The following LIPI variants were observed in gnomAD, a reference collection of about 807,000 sequenced individuals.
LIPI encodes lipase member I.
A neutral mutation model predicts 50.6 loss-of-function variants in LIPI; 59 were observed. That is an observed-to-expected ratio of 1.16 (90% CI 0.94 to 1.45). The LOEUF is 1.45. LIPI is among the 40% of genes most tolerant of loss of function. The probability of loss-of-function intolerance (pLI) is 0.00; values close to 1 mark genes in which losing one functional copy is unlikely to be tolerated. For missense variants in LIPI, 586 were observed against 536.3 expected (o/e 1.09, Z -0.92); for synonymous variants, 203 against 178.2 (o/e 1.14, Z -1.11).
intron 4 of LIPI, among the ~76,000 whole-genome samples, chr21:14,179,047 G>A (rs2019184038): frequency 6.6e-6 from 1 of 152,072 alleles, no homozygotes; most frequent in Non-Finnish European, 1.5e-5. Flanking sequence ...TGGAGTTCCA[G>A]ACAAGAATAA....
chr21:14,112,814 G>A (rs1054324202), intron 9 of LIPI, among the ~76,000 whole-genome samples: 1 of 151,904 alleles, frequency 6.6e-6, no homozygotes, highest in East Asian at 1.9e-4. Context: ...TATTAAAAAA[G>A]AAAAACTACT....
intron 7 of LIPI, among the ~76,000 whole-genome samples, chr21:14,160,527 C>T (rs911483153): frequency 1.3e-5 from 2 of 151,168 alleles, no homozygotes; most frequent in African/African-American, 4.8e-5. Context: ...AAATGTAACA[C>T]ATAGAACTAT....
At chr21:14,199,776 A>C (rs1215922176) in intron 1 of LIPI, among the ~76,000 whole-genome samples, 1 of 151,982 alleles carries the variant, frequency 6.6e-6, no homozygotes, top group Non-Finnish European at 1.5e-5. Context: ...CTGATACCAA[A>C]ATCTGGCAGA....
intron 4 of LIPI, among the ~76,000 whole-genome samples, chr21:14,172,126 T>A (rs150961417): frequency 0.37 from 55,633 of 151,518 alleles, 10,337 homozygotes; most frequent in African/African-American, 0.41. Flanking sequence ...ATGCTCACCA[T>A]CACTGGCCAT....
chr21:14,144,495 G>A (rs746074058), intron 9 of LIPI, 128 bp downstream of exon 9: 68 of 510,738 alleles, frequency 1.3e-4, no homozygotes, highest in Middle Eastern at 1.1e-3. Context: ...TAATATTTAT[G>A]TAAAATATAG....
At chr21:14,200,765 T>A (rs1005681348) in intron 1 of LIPI, among the ~76,000 whole-genome samples, 1 of 151,876 alleles carries the variant, frequency 6.6e-6, no homozygotes, top group Admixed American at 6.6e-5. Flanking sequence ...AAAAAAACTA[T>A]TTTAAAATTC....
At chr21:14,148,971 C>T (rs1471220651) in intron 8 of LIPI, among the ~76,000 whole-genome samples, 1 of 152,116 alleles carries the variant, frequency 6.6e-6, no homozygotes, top group Non-Finnish European at 1.5e-5. Context: ...TAAATTAACT[C>T]AAGACCAACA....
rs965780855 is a variant in LIPI, at chr21:14,182,217, G to C, written c.542-358C>G. Among the ~76,000 whole-genome samples the C allele has an allele frequency of 3.3e-5, 5 of 152,092 alleles. 1 individual carries two copies. Among genetic ancestry groups the C allele is most frequent in the Admixed American group, 2.0e-4 (3 of 15,258 alleles). On this transcript the variant is annotated intron_variant, in intron 3 of 9. Transcript: ENST00000681601. ...AATGAATACCATCTGGTCCTCTCTT[G>C]AACTCTGTACATTACTAGCTCACTT...
At chr21:14,115,583 C>T (rs1467248450) in intron 9 of LIPI, among the ~76,000 whole-genome samples, 2 of 152,102 alleles carry the variant, frequency 1.3e-5, no homozygotes, top group Non-Finnish European at 2.9e-5. Context: ...GTCTCCTTTG[C>T]CTATGGGTTA....
chr21:14,144,959 G>A (rs28384276), intron 8 of LIPI, among the ~76,000 whole-genome samples, 160 bp from the exon 9 acceptor site: 1,549 of 151,762 alleles, frequency 0.01, 18 homozygotes, highest in African/African-American at 0.034. Context: ...AATTAAAACC[G>A]TAATTTATAA....
intron 1 of LIPI, among the ~76,000 whole-genome samples, chr21:14,210,178 T>C (rs9636770): frequency 0.069 from 10,541 of 152,094 alleles, 668 homozygotes; most frequent in East Asian, 0.26. Context: ...GTAGAACTAA[T>C]TGTTCTACTT....
intron 9 of LIPI, among the ~76,000 whole-genome samples, chr21:14,117,819 A>C (rs1431975291): frequency 6.6e-6 from 1 of 152,052 alleles, no homozygotes; most frequent in Non-Finnish European, 1.5e-5. Context: ...TGGCAACCAA[A>C]GTGTTTGTAA....
intron 9 of LIPI, among the ~76,000 whole-genome samples, chr21:14,135,109 A>G (rs1047144909): frequency 1.3e-5 from 2 of 152,208 alleles, no homozygotes; most frequent in Non-Finnish European, 1.5e-5. Context: ...TAATAATCCA[A>G]TTAAAAAGTG....
chr21:14,128,149 T>C, intron 9 of LIPI, among the ~76,000 whole-genome samples: 1 of 152,164 alleles, frequency 6.6e-6, no homozygotes, highest in South Asian at 2.1e-4. Context: ...CTGTGTCATA[T>C]AATGTAAAAA....
At chr21:14,210,459 T>C (rs1413337177) in intron 1 of LIPI, among the ~76,000 whole-genome samples, 1 of 152,138 alleles carries the variant, frequency 6.6e-6, no homozygotes, top group African/African-American at 2.4e-5. Flanking sequence ...ATTTAAGGCA[T>C]AATTTTAAAT....
At chr21:14,117,784 A>G (rs2016709820) in intron 9 of LIPI, among the ~76,000 whole-genome samples, 1 of 152,162 alleles carries the variant, frequency 6.6e-6, no homozygotes, top group African/African-American at 2.4e-5. Flanking sequence ...GTTTGAAGGT[A>G]TGAACATTCC....
intron 4 of LIPI, among the ~76,000 whole-genome samples, chr21:14,175,168 T>C (rs1275720229): frequency 6.6e-6 from 1 of 151,566 alleles, no homozygotes; most frequent in Non-Finnish European, 1.5e-5. Context: ...TTAATGCATA[T>C]GTGAAGGTAC....
chr21:14,176,228 A>G (rs1393893143), intron 4 of LIPI, among the ~76,000 whole-genome samples: 2 of 151,646 alleles, frequency 1.3e-5, no homozygotes, highest in Non-Finnish European at 2.9e-5. Flanking sequence ...TTAAAATAAT[A>G]ATTAATTTTT....
intron 9 of LIPI, among the ~76,000 whole-genome samples, chr21:14,110,296 C>CT (rs1177414752): frequency 5.9e-5 from 9 of 151,382 alleles, no homozygotes; most frequent in South Asian, 2.1e-4. Context: ...TTAATATTCT[C>CT]TTTTTTTTGC....
Sources: gnomAD v4.1 joint callset for allele counts (sites outside exome capture counted in the v4.1 genomes callset) on GRCh38, gnomAD v4.1.1 for gene constraint, MANE v1.5 for transcripts, NCBI Gene and HGNC (gene_info 2026-07-23, HGNC 2026-07-21) for gene names.